Variants in CADM2 observed in about 807,000 individuals in gnomAD.
CADM2 encodes immunoglobulin superfamily member 4D.
A neutral mutation model predicts 49.8 loss-of-function variants in CADM2; 12 were observed. The ratio of observed to expected loss-of-function variants is 0.24; its 90% CI spans 0.15 to 0.39. The LOEUF (loss-of-function observed/expected upper bound fraction) is 0.39, where lower values mean the gene tolerates loss of function less well. Among genes scored for constraint, CADM2 ranks in the 10% least tolerant of loss-of-function variants. The pLI is 1.00. For missense variants in CADM2, 378 were observed against 492.3 expected (o/e 0.77, Z 2.20); for synonymous variants, 214 against 175.4 (o/e 1.22, Z -1.74).
At chr3:85,350,838 T>G (rs747403707) in intron 1 of CADM2, among the ~76,000 whole-genome samples, 1 of 152,158 alleles carries the variant, frequency 6.6e-6, no homozygotes, top group Non-Finnish European at 1.5e-5. Context: ...TTTTGAAAGA[T>G]GAAATTATAT....
At position 85,081,902 on chromosome 3, in the gene CADM2, GT is replaced by G. The variant is rs575206489; in HGVS notation, c.61+122235del. ...TAGCCAAAAATAATTCAGTTCCCAAGTATCATTGCTAAGTGTTTGTTATCTT... is the reference window on the plus strand; with the variant it reads ...TAGCCAAAAATAATTCAGTTCCCAAGATCATTGCTAAGTGTTTGTTATCTT... On this transcript the variant is annotated intron_variant, in intron 1 of 9. Transcript: ENST00000383699. Among the ~76,000 whole-genome samples, 1,477 of 152,250 alleles carry G rather than the reference GT, an allele frequency of 9.7e-3. 12 individuals carry two copies. Among genetic ancestry groups the G allele is most frequent in the Non-Finnish European group, 0.016 (1,087 of 68,022 alleles).
intron 1 of CADM2, among the ~76,000 whole-genome samples, chr3:85,378,868 T>G (rs1160128404): frequency 6.6e-6 from 1 of 151,842 alleles, no homozygotes; most frequent in Non-Finnish European, 1.5e-5. Context: ...CCCCATAAAA[T>G]TATTGCAATA....
At chr3:85,681,253 G>A (rs989461877) in intron 1 of CADM2, among the ~76,000 whole-genome samples, 17 of 152,034 alleles carry the variant, frequency 1.1e-4, no homozygotes, top group African/African-American at 3.6e-4. Context: ...ATGAGATGAC[G>A]TTACCATATA....
intron 1 of CADM2, among the ~76,000 whole-genome samples, chr3:85,594,702 G>A (rs2063195952): frequency 6.6e-6 from 1 of 151,896 alleles, no homozygotes; most frequent in Non-Finnish European, 1.5e-5. Context: ...TTACCATTCT[G>A]TTTTTACTTA....
intron 1 of CADM2, among the ~76,000 whole-genome samples, chr3:85,669,544 A>G (rs1466774055): frequency 6.6e-6 from 1 of 152,164 alleles, no homozygotes; most frequent in East Asian, 1.9e-4. Flanking sequence ...TAGAATGAAG[A>G]GCAATGTGTG....
intron 1 of CADM2, among the ~76,000 whole-genome samples, chr3:85,071,641 A>C (rs1206615474): frequency 6.6e-6 from 1 of 152,116 alleles, no homozygotes; most frequent in African/African-American, 2.4e-5. Context: ...ATTGAATTTT[A>C]AGACCTTTGA....
intron 1 of CADM2, among the ~76,000 whole-genome samples, chr3:85,449,794 A>G (rs547402461): frequency 5.3e-5 from 8 of 152,308 alleles, no homozygotes; most frequent in African/African-American, 1.9e-4. Context: ...TTCCACAGAT[A>G]ACAGAAAGAG....
At chr3:85,818,203 T>TA (rs1194649319) in intron 3 of CADM2, among the ~76,000 whole-genome samples, 5 of 152,106 alleles carry the variant, frequency 3.3e-5, no homozygotes, top group Non-Finnish European at 7.4e-5. Flanking sequence ...ATGGCTACTC[T>TA]AAAGGATTTG....
At chr3:85,742,905 G>A (rs150566470) in intron 2 of CADM2, among the ~76,000 whole-genome samples, 4 of 152,258 alleles carry the variant, frequency 2.6e-5, no homozygotes, top group African/African-American at 9.6e-5. Context: ...TATTTCAACT[G>A]AGATTTTTCC....
intron 1 of CADM2, among the ~76,000 whole-genome samples, chr3:85,425,955 A>G (rs1323928163): frequency 6.6e-6 from 1 of 152,158 alleles, no homozygotes; most frequent in Non-Finnish European, 1.5e-5. Context: ...ATGTTCTGCT[A>G]CTTGAGAAAA....
Position 85,996,919 on chromosome 3 carries a change from T to G in CADM2, c.970+35272T>G, listed in dbSNP as rs193274736. On this transcript the variant is annotated intron_variant, in intron 8 of 9. Transcript: ENST00000383699. ...GCTTTTGAAATTCCTGTTCTTACACTTCTTCATCATTCCTACCAGTCTAGT... is the reference window on the plus strand; with the variant it reads ...GCTTTTGAAATTCCTGTTCTTACACGTCTTCATCATTCCTACCAGTCTAGT... Among the ~76,000 whole-genome samples, 114 of 152,322 alleles carry G rather than the reference T, an allele frequency of 7.5e-4. No homozygotes were observed. In the East Asian group the frequency reaches 8.3e-3, roughly 11 times the overall value.
chr3:85,708,935 T>A (rs544769128), intron 1 of CADM2, among the ~76,000 whole-genome samples: 200 of 149,606 alleles, frequency 1.3e-3, no homozygotes, highest in East Asian at 4.1e-3. Flanking sequence ...TTTGCTTTTT[T>A]AAAAAAAAAA....
At chr3:85,620,623 A>T (rs1023167173) in intron 1 of CADM2, among the ~76,000 whole-genome samples, 2 of 152,086 alleles carry the variant, frequency 1.3e-5, no homozygotes, top group African/African-American at 2.4e-5. Flanking sequence ...CAGTATTTTT[A>T]AAAAATCATC....
At chr3:85,527,241 T>C (rs2061181501) in intron 1 of CADM2, among the ~76,000 whole-genome samples, 1 of 151,518 alleles carries the variant, frequency 6.6e-6, no homozygotes, top group Admixed American at 6.6e-5. Flanking sequence ...AAAAATGAGC[T>C]GGGTGAGGTG....
chr3:85,933,380 A>C (rs1435886922), intron 6 of CADM2, among the ~76,000 whole-genome samples: 7 of 152,128 alleles, frequency 4.6e-5, no homozygotes, highest in Admixed American at 4.6e-4. Flanking sequence ...TGCTTTGCTC[A>C]TAGTGTAATC....
intron 1 of CADM2, among the ~76,000 whole-genome samples, chr3:85,011,254 A>G (rs1431542782): frequency 2.0e-5 from 3 of 151,986 alleles, no homozygotes; most frequent in Non-Finnish European, 4.4e-5. Flanking sequence ...GATCATTATG[A>G]TCTCTAAGAT....
chr3:85,420,928 T>A (rs2036140773), intron 1 of CADM2, among the ~76,000 whole-genome samples: 1 of 152,170 alleles, frequency 6.6e-6, no homozygotes, highest in African/African-American at 2.4e-5. Flanking sequence ...ACCACTGACC[T>A]CCTAACAGCT....
At chr3:85,107,452 T>C (rs2038274761) in intron 1 of CADM2, among the ~76,000 whole-genome samples, 1 of 151,956 alleles carries the variant, frequency 6.6e-6, no homozygotes, top group Non-Finnish European at 1.5e-5. Context: ...AAGCAAAACA[T>C]AAAATAACAA....
At chr3:85,241,069 G>A (rs1040907310) in intron 1 of CADM2, among the ~76,000 whole-genome samples, 1 of 151,322 alleles carries the variant, frequency 6.6e-6, no homozygotes, top group Non-Finnish European at 1.5e-5. Flanking sequence ...ACTAAGTGTT[G>A]GAATTGACCC....
Sources: allele counts gnomAD v4.1 joint callset (sites outside exome capture counted in the v4.1 genomes callset), GRCh38; gene constraint gnomAD v4.1.1; transcripts MANE v1.5; gene names NCBI Gene and HGNC (gene_info 2026-07-23, HGNC 2026-07-21).